Variants in ZNF418 observed in about 807,000 individuals in gnomAD.
The protein encoded by ZNF418 is zinc finger protein 418.
Under a neutral mutation model 32.0 loss-of-function variants are expected in ZNF418, and 32 were observed. The ratio of observed to expected loss-of-function variants is 1.00; its 90% confidence interval spans 0.75 to 1.34. ZNF418 has a LOEUF of 1.34. Among genes scored for constraint, ZNF418 ranks in the 40% most tolerant of loss-of-function variants. The pLI, the probability that ZNF418 is intolerant of heterozygous loss-of-function variation, is 0.00. For missense variants in ZNF418, 804 were observed against 812.5 expected (o/e 0.99, Z 0.13); for synonymous variants, 276 against 270.7 (o/e 1.02, Z -0.19).
intron 3 of ZNF418, among the ~76,000 whole-genome samples, chr19:57,928,460 C>T (rs982765249): frequency 2.6e-5 from 4 of 152,136 alleles, no homozygotes; most frequent in South Asian, 2.1e-4. Context: ...GGTGGGGTTT[C>T]GCCTTGTTGC....
At chr19:57,934,206 G>C (rs910920363) in intron 1 of ZNF418, 2 of 1,123,738 alleles carry the variant, frequency 1.8e-6, no homozygotes, top group African/African-American at 1.6e-5. Flanking sequence ...TGAGGGAATG[G>C]AACACCCTCT....
intron 1 of ZNF418, chr19:57,934,942 C>T: frequency 8.0e-7 from 1 of 1,255,638 alleles, no homozygotes; most frequent in Non-Finnish European, 1.0e-6. Flanking sequence ...GTTCCATCCT[C>T]CCGGGTCTGT....
intron 2 of ZNF418, chr19:57,932,666 A>G (rs552071338): frequency 2.9e-6 from 4 of 1,400,652 alleles, no homozygotes; most frequent in South Asian, 3.2e-5. Flanking sequence ...GTGGAAAACA[A>G]AAGAAAAAAA....
At chr19:57,923,695 C>A (rs896987709) in intron 4 of ZNF418, among the ~76,000 whole-genome samples, 1 of 151,962 alleles carries the variant, frequency 6.6e-6, no homozygotes, top group Admixed American at 6.6e-5. Flanking sequence ...CTGCCTCAGC[C>A]TCCCGAGTAG....
intron 4 of ZNF418, among the ~76,000 whole-genome samples, chr19:57,925,265 C>T (rs997783254): frequency 6.6e-6 from 1 of 152,096 alleles, no homozygotes; most frequent in Non-Finnish European, 1.5e-5. Context: ...TCGAGACCAT[C>T]CTGGCTAACA....
intron 4 of ZNF418, 122 bp from the exon 5 acceptor site, chr19:57,923,411 A>AATATAT (rs748686144): frequency 1.4e-5 from 2 of 140,782 alleles, no homozygotes; most frequent in Non-Finnish European, 1.6e-5. Flanking sequence ...AGGGATGCAA[A>AATATAT]ATATATATAT....
At chr19:57,928,496 T>A (rs941638933) in intron 3 of ZNF418, among the ~76,000 whole-genome samples, 2 of 152,024 alleles carry the variant, frequency 1.3e-5, no homozygotes, top group African/African-American at 4.8e-5. Context: ...ACTCCCAGGT[T>A]CAAGAAATCC....
At chr19:57,930,024 T>C (rs2072417669) in intron 3 of ZNF418, among the ~76,000 whole-genome samples, 1 of 152,178 alleles carries the variant, frequency 6.6e-6, no homozygotes. Context: ...CTTTGGTCTA[T>C]GTAGGCAGTG....
At chr19:57,930,189 C>G (rs1350047075) in intron 3 of ZNF418, among the ~76,000 whole-genome samples, 1 of 152,158 alleles carries the variant, frequency 6.6e-6, no homozygotes, top group Non-Finnish European at 1.5e-5. Flanking sequence ...AGATTGACTA[C>G]GAGACACCTG....
chr19:57,933,714 C>T, intron 2 of ZNF418, 103 bp downstream of exon 2: 2 of 1,456,342 alleles, frequency 1.4e-6, no homozygotes, highest in Non-Finnish European at 1.9e-6. Context: ...GAGCGAGACT[C>T]CCGCTCAAAA....
chr19:57,926,512 G>C lies in ZNF418; in HGVS notation c.1669C>G (p.Gln557Glu), dbSNP rs2072231888. Reference sequence around the variant, plus strand: ...GGTCTTTCTGCAGTGTGAGTTTTCTGATGTCGAAGGAGGGAAGAGCTCTGA... The same window carrying C: ...GGTCTTTCTGCAGTGTGAGTTTTCTCATGTCGAAGGAGGGAAGAGCTCTGA... ...FHQSSSLLRH[Q>E]KTHTAERPYE... is the part of the protein sequence containing the mutation. Residue 557 changes from glutamine (Q) to glutamate (E), a missense_variant, in exon 4 of 6, where the codon CAG (glutamine) becomes GAG (glutamate). This residue lies in a region of ZNF418 where 475 missense variants were observed against 458.6 expected (regional missense o/e 1.04). Transcript: ENST00000396147. 2 of 1,613,902 alleles carry C rather than the reference G, an allele frequency of 1.2e-6. No individual in the cohort carries two copies. The highest frequency in any genetic ancestry group is 8.5e-7 in the Non-Finnish European group (1 of 1,180,022).
intron 3 of ZNF418, 95 bp from the exon 4 acceptor site, chr19:57,928,142 A>C: frequency 9.3e-7 from 1 of 1,073,980 alleles, no homozygotes; most frequent in Non-Finnish European, 1.3e-6. Context: ...GAATTACTCC[A>C]TGGAAATATT....
At chr19:57,928,112 A>G (rs1012665509) in intron 3 of ZNF418, 65 bp from the exon 4 acceptor site, 1 of 1,366,288 alleles carries the variant, frequency 7.3e-7, no homozygotes, top group Non-Finnish European at 1.0e-6. Flanking sequence ...CCCACCCACA[A>G]GCGTGTCTGA....
chr19:57,930,029 G>C (rs997621881), intron 3 of ZNF418, among the ~76,000 whole-genome samples: 3 of 152,208 alleles, frequency 2.0e-5, no homozygotes, highest in Non-Finnish European at 4.4e-5. Context: ...GTCTATGTAG[G>C]CAGTGACAAC....
Position 57,925,825 on chromosome 19 carries a change from A to T in ZNF418, c.*325T>A. Reference sequence around the variant, plus strand: ...ATAATTGAGTTTATGCAGATGCTGAAGGTATGTCAATTTAGGCAGATGGCT... The same window carrying T: ...ATAATTGAGTTTATGCAGATGCTGATGGTATGTCAATTTAGGCAGATGGCT... On this transcript the variant is annotated 3_prime_UTR_variant, in exon 4 of 6. Transcript: ENST00000396147. 3.8e-6 allele frequency: 1 copy of T among 263,928 alleles called. No individual in the cohort carries two copies. The highest frequency in any genetic ancestry group is 8.5e-5 in the South Asian group (1 of 11,768). The allele number at this position is 263,928 out of a possible 1,614,324, so 16.3% of individuals were successfully genotyped here.
At chr19:57,932,754 G>T in intron 2 of ZNF418, 2 of 642,966 alleles carry the variant, frequency 3.1e-6, no homozygotes, top group Non-Finnish European at 4.7e-6. Flanking sequence ...CCCTGAGCAT[G>T]TATCCACCAG....
At chr19:57,924,825 T>C (rs946610369) in intron 4 of ZNF418, among the ~76,000 whole-genome samples, 34 of 152,188 alleles carry the variant, frequency 2.2e-4, no homozygotes, top group African/African-American at 8.2e-4. Flanking sequence ...CAGGTTTATC[T>C]ATAAACCCAG....
chr19:57,933,091 G>A (rs766677995), intron 2 of ZNF418, among the ~76,000 whole-genome samples: 2 of 152,142 alleles, frequency 1.3e-5, no homozygotes, highest in Non-Finnish European at 1.5e-5. Context: ...TTTGAAGTGT[G>A]TCAATGTCAT....
At position 57,927,570 on chromosome 19, in the gene ZNF418, C is replaced by G. The variant is rs1385040711; in HGVS notation, c.611G>C (p.Ser204Thr). 1 of 1,614,100 alleles carries G rather than the reference C, an allele frequency of 6.2e-7. No individual in the cohort carries two copies. The highest frequency in any genetic ancestry group is 1.7e-5 in the Admixed American group (1 of 60,006). ...SPFQWGDTHY[S>T]CGECMKHSST... is the part of the protein sequence containing the mutation. ...AGAATGTTTCATGCATTCTCCACAG[C>G]TGTAATGAGTATCTCCCCACTGAAA... The change falls in exon 4 of 6, where the codon AGC becomes ACC. Residue 204 changes from serine to threonine, a missense_variant. By Grantham distance (58) the Ser-to-Thr change is moderately conservative. This residue lies in a region of ZNF418 where 307 missense variants were observed against 304.9 expected (regional missense o/e 1.01). Transcript: ENST00000396147.
Sources: allele counts gnomAD v4.1 joint callset (sites outside exome capture counted in the v4.1 genomes callset), GRCh38; gene constraint gnomAD v4.1.1; regional missense constraint gnomAD v4.1.1; transcripts MANE v1.5; gene names NCBI Gene and HGNC (gene_info 2026-07-23, HGNC 2026-07-21).